KCTD8: variants seen among roughly 807,000 people sequenced by gnomAD.
The protein encoded by KCTD8 is BTB/POZ domain-containing protein KCTD8.
Under a neutral mutation model 31.5 loss-of-function variants are expected in KCTD8, and 27 were observed. The observed-to-expected ratio is 0.86, with a 90% CI of 0.63 to 1.18. KCTD8 has a LOEUF of 1.18. Among genes scored for constraint, KCTD8 ranks in the 50% most tolerant of loss-of-function variants. The pLI is 0.00. For synonymous variants in KCTD8, 290 were observed against 280.0 expected, an observed-to-expected ratio of 1.04 and a Z score of -0.36; for missense variants, 658 against 647.7, an observed-to-expected ratio of 1.02 and a Z score of -0.17.
intron 1 of KCTD8, among the ~76,000 whole-genome samples, chr4:44,376,749 G>A (rs187218821): frequency 6.6e-6 from 1 of 152,314 alleles, no homozygotes; most frequent in African/African-American, 2.4e-5. Flanking sequence ...AGCACCAACA[G>A]AGAAGTACTT....
intron 1 of KCTD8, among the ~76,000 whole-genome samples, chr4:44,367,357 A>G (rs1423737418): frequency 3.3e-5 from 5 of 152,342 alleles, no homozygotes; most frequent in South Asian, 4.1e-4. Context: ...TCATTTAATG[A>G]ATACATGAAT....
chr4:44,241,297 G>A (rs771073054), intron 1 of KCTD8, among the ~76,000 whole-genome samples: 6 of 152,082 alleles, frequency 3.9e-5, no homozygotes, highest in South Asian at 2.1e-4. Flanking sequence ...AAGAAAATTC[G>A]GTTTTTCTGG....
chr4:44,283,136 G>A (rs979369677), intron 1 of KCTD8, among the ~76,000 whole-genome samples: 3 of 150,630 alleles, frequency 2.0e-5, no homozygotes, highest in Admixed American at 2.0e-4. Flanking sequence ...TGCAACCTCC[G>A]CCTCCCAGGT....
chr4:44,250,930 A>T (rs1387950), intron 1 of KCTD8, among the ~76,000 whole-genome samples: 57,157 of 151,492 alleles, frequency 0.38, 11,505 homozygotes, highest in African/African-American at 0.53. Context: ...CGCAAATGTA[A>T]CATTCTTCAT....
chr4:44,248,314 C>A (rs774595600), intron 1 of KCTD8, among the ~76,000 whole-genome samples: 1 of 151,446 alleles, frequency 6.6e-6, no homozygotes, highest in Non-Finnish European at 1.5e-5. Context: ...ATCAGAAATC[C>A]TGTATTTTTT....
At chr4:44,253,641 C>T (rs1441944589) in intron 1 of KCTD8, among the ~76,000 whole-genome samples, 1 of 151,704 alleles carries the variant, frequency 6.6e-6, no homozygotes, top group Non-Finnish European at 1.5e-5. Flanking sequence ...ATAGAGAGAT[C>T]CCAGTCTTTC....
intron 1 of KCTD8, among the ~76,000 whole-genome samples, chr4:44,217,065 T>C (rs1335624121): frequency 1.3e-5 from 2 of 152,058 alleles, no homozygotes; most frequent in Admixed American, 1.3e-4. Context: ...CTATGAATGA[T>C]AGAGGATTCA....
At position 44,325,785 on chromosome 4, in the gene KCTD8, C is replaced by T. The variant is rs544982058; in HGVS notation, c.961+121778G>A. ...GAAAATATCAACATTTAAATATAGC[C>T]CTGTAGAAGGAGGGGTATCCCTATC... On this transcript the variant is annotated intron_variant, in intron 1 of 1. Transcript: ENST00000360029. Among the ~76,000 whole-genome samples the T allele has an allele frequency of 9.2e-5, 14 of 151,832 alleles. No homozygotes were observed. The South Asian group carries it at 2.7e-3, about 29-fold the overall frequency.
chr4:44,235,095 A>AATG (rs769606429), intron 1 of KCTD8, among the ~76,000 whole-genome samples: 42 of 151,770 alleles, frequency 2.8e-4, no homozygotes, highest in Non-Finnish European at 5.3e-4. Flanking sequence ...CACGTTGACC[A>AATG]ATGATGATGA....
intron 1 of KCTD8, among the ~76,000 whole-genome samples, chr4:44,202,417 T>C (rs761656904): frequency 6.6e-6 from 1 of 152,102 alleles, no homozygotes; most frequent in African/African-American, 2.4e-5. Flanking sequence ...AAATAAGTAG[T>C]ACATATACAC....
intron 1 of KCTD8, among the ~76,000 whole-genome samples, chr4:44,373,360 A>T (rs79707190): frequency 6.9e-6 from 1 of 144,500 alleles, no homozygotes; most frequent in African/African-American, 2.6e-5. Flanking sequence ...ACTCTGTCTC[A>T]AAAAAAAAAA....
At chr4:44,222,626 G>A (rs550300532) in intron 1 of KCTD8, among the ~76,000 whole-genome samples, 78 of 152,278 alleles carry the variant, frequency 5.1e-4, no homozygotes, top group African/African-American at 1.8e-3. Flanking sequence ...AAAACAATGT[G>A]GCTGCAACTT....
rs186001816 is a variant in KCTD8, at chr4:44,285,438, C to T, written c.962-110188G>A. ...GTCGAACAACAAGAACACATGGACA[C>T]AGGGAGGGGAACATCACACACTGGG... On this transcript the variant is annotated intron_variant, in intron 1 of 1. Transcript: ENST00000360029. Among the ~76,000 whole-genome samples, 151 of 151,702 alleles carry T rather than the reference C, an allele frequency of 1.0e-3. 2 individuals carry two copies. Among genetic ancestry groups the T allele is most frequent in the Non-Finnish European group, 1.3e-3 (88 of 67,912 alleles).
At chr4:44,252,839 C>G (rs969897399) in intron 1 of KCTD8, among the ~76,000 whole-genome samples, 4 of 151,632 alleles carry the variant, frequency 2.6e-5, no homozygotes, top group Non-Finnish European at 5.9e-5. Flanking sequence ...AATTATATAT[C>G]AGTCTCACAA....
intron 1 of KCTD8, among the ~76,000 whole-genome samples, chr4:44,386,469 T>C (rs935374893): frequency 1.3e-5 from 2 of 151,486 alleles, no homozygotes; most frequent in Admixed American, 1.3e-4. Flanking sequence ...CCAAAAGACA[T>C]ACAAATGGAA....
chr4:44,309,702 C>T (rs1351520983), intron 1 of KCTD8, among the ~76,000 whole-genome samples: 1 of 152,044 alleles, frequency 6.6e-6, no homozygotes, highest in Non-Finnish European at 1.5e-5. Flanking sequence ...AGAGAGCACT[C>T]ATTGCAGATA....
intron 1 of KCTD8, among the ~76,000 whole-genome samples, chr4:44,434,615 T>C (rs1416340906): frequency 6.6e-6 from 1 of 151,932 alleles, no homozygotes; most frequent in East Asian, 1.9e-4. Flanking sequence ...CCAGACATAG[T>C]GTGAGGCTTT....
Position 44,447,714 on chromosome 4 carries a change from G to A in KCTD8, c.810C>T (p.Tyr270=). Residue 270 remains tyrosine (Y), a synonymous_variant, in exon 1 of 2, where the codon TAC becomes TAT. Transcript: ENST00000360029. The stretch of plus-strand genomic sequence containing the variant: ...CCTGCTCCAAGTAGGTGAACTTGAG[G>A]TAGAAGCGGGACGTGTACTTCTCCG... The part of the protein sequence containing the change: ...RQPEKYTSRF[Y]LKFTYLEQAF... 6.2e-7 allele frequency: 1 copy of A among 1,612,598 alleles called. No homozygotes were observed. The highest frequency in any genetic ancestry group is 8.5e-7 in the Non-Finnish European group (1 of 1,179,434).
In KCTD8 at chr4:44,448,594, C is replaced by G. The variant is rs979274987; in HGVS notation, c.-71G>C. 3.7e-6 allele frequency: 5 copies of G among 1,360,248 alleles called. No homozygotes were observed. In the African/African-American group the frequency reaches 7.6e-5, roughly 21 times the overall value. 84.3% of individuals were successfully genotyped at this position (1,360,248 alleles called of 1,614,324 possible). A position where few individuals can be genotyped will look rare whatever the true frequency, so the allele number is the denominator to read the frequency against. On this transcript the variant is annotated 5_prime_UTR_variant, in exon 1 of 2. Coordinates refer to ENST00000360029, the MANE Select transcript of KCTD8 (RefSeq NM_198353.3). The surrounding 1 kb of genome is among the most constrained non-coding windows in gnomAD (Gnocchi z 4.1). ...TCGTTCCCGGAGCCCGCGCCCCAGC[C>G]CTCCGCGTGCTCCTGGCGCTCTGCG... is the stretch of plus-strand genomic sequence containing the variant.
Sources: gnomAD v4.1 joint callset for allele counts (sites outside exome capture counted in the v4.1 genomes callset) on GRCh38, gnomAD v4.1.1 for gene constraint, Gnocchi (gnomAD v3.1) non-coding constraint, MANE v1.5 for transcripts, NCBI Gene and HGNC (gene_info 2026-07-23, HGNC 2026-07-21) for gene names.